Variants in LIN9 observed in about 807,000 individuals in gnomAD.
LIN9 encodes lin-9 DREAM MuvB core complex component, also known as protein lin-9 homolog.
Under a neutral mutation model 78.0 loss-of-function variants are expected in LIN9, and 18 were observed. That is an observed-to-expected ratio of 0.23 (90% CI 0.16 to 0.34). LIN9 has a LOEUF of 0.34. Ranked by LOEUF, LIN9 falls within the 10% of genes least tolerant of loss-of-function variation. The probability of loss-of-function intolerance (pLI) is 1.00; values close to 1 mark genes in which losing one functional copy is unlikely to be tolerated. For missense variants in LIN9, 451 were observed against 644.1 expected, an observed-to-expected ratio of 0.70 and a Z score of 3.25; for synonymous variants, 192 against 215.2, an observed-to-expected ratio of 0.89 and a Z score of 0.94.
At chr1:226,281,393 A>T (rs1380980193) in intron 6 of LIN9, among the ~76,000 whole-genome samples, 4 of 150,518 alleles carry the variant, frequency 2.7e-5, no homozygotes, top group Non-Finnish European at 4.4e-5. Flanking sequence ...AGTATTTGAC[A>T]GTACGGTAGG....
At chr1:226,272,539 C>A (rs1012169199) in intron 7 of LIN9, among the ~76,000 whole-genome samples, 1 of 129,810 alleles carries the variant, frequency 7.7e-6, no homozygotes, top group African/African-American at 2.9e-5. Flanking sequence ...CATGCTTGAC[C>A]TTTTTTTTTT....
In LIN9 at chr1:226,278,199, C is replaced by A. The variant is rs145451619; in HGVS notation, c.525-267G>T. On this transcript the variant is annotated intron_variant, in intron 6 of 14. Coordinates refer to ENST00000681046, the MANE Select transcript of LIN9 (RefSeq NM_001366245.2). ...ATCCCAGCACTTTGGGAGGCTGAGG[C>A]GGACAGATCAATTGAGGTCAGGAGT... Among the ~76,000 whole-genome samples, 829 of 152,190 alleles carry A rather than the reference C, an allele frequency of 5.4e-3. 4 individuals are homozygous for A. The highest frequency in any genetic ancestry group is 9.4e-3 in the Non-Finnish European group (637 of 68,002).
chr1:226,275,032 C>A (rs1197345577), intron 7 of LIN9, among the ~76,000 whole-genome samples: 1 of 152,002 alleles, frequency 6.6e-6, no homozygotes, highest in African/African-American at 2.4e-5. Context: ...CCCACAAGTA[C>A]AGCAATTTTT....
rs1262426812 is a variant in LIN9 at position 226,266,308 on chromosome 1, G to C, written c.841C>G (p.Pro281Ala). The C allele has an allele frequency of 6.2e-7, 1 of 1,602,126 alleles. No homozygotes were observed. The highest frequency in any genetic ancestry group is 8.5e-7 in the Non-Finnish European group (1 of 1,172,516). The change falls in exon 9 of 15, where the codon CCA becomes GCA. Residue 281 changes from proline (P) to alanine (A), a missense_variant. Coordinates refer to ENST00000681046, the MANE Select transcript of LIN9 (RefSeq NM_001366245.2). ...TGTTTTTGTCCAAAGGCAGCAATTGGCATTGTCTCATGAGGTTCATTACTC... is the reference window on the plus strand; with the variant it reads ...TGTTTTTGTCCAAAGGCAGCAATTGCCATTGTCTCATGAGGTTCATTACTC... ...VLSNEPHETM[P>A]IAAFGQKQRP...
At chr1:226,277,703 C>T (rs1660757092) in intron 7 of LIN9, 72 bp downstream of exon 7, 1 of 1,344,762 alleles carries the variant, frequency 7.4e-7, no homozygotes, top group African/African-American at 1.5e-5. Context: ...AAAATAAGAA[C>T]CAAAGAAACA....
At chr1:226,295,073 T>C (rs1032242370) in intron 4 of LIN9, among the ~76,000 whole-genome samples, 1 of 152,158 alleles carries the variant, frequency 6.6e-6, no homozygotes, top group Admixed American at 6.5e-5. Flanking sequence ...AGTGCTGTGA[T>C]TATAGTCATG....
chr1:226,277,681 T>C, intron 7 of LIN9, 94 bp downstream of exon 7: 1 of 1,134,984 alleles, frequency 8.8e-7, no homozygotes, highest in Non-Finnish European at 1.3e-6. Context: ...TCTTGGTAAT[T>C]AAAAATGAAA....
At chr1:226,290,893 A>G (rs892841285) in intron 4 of LIN9, among the ~76,000 whole-genome samples, 1 of 152,178 alleles carries the variant, frequency 6.6e-6, no homozygotes, top group South Asian at 2.1e-4. Flanking sequence ...AGTAGCTGGG[A>G]CTACAGGCAC....
At chr1:226,236,856 T>C (rs538993047) in intron 12 of LIN9, among the ~76,000 whole-genome samples, 30 of 152,318 alleles carry the variant, frequency 2.0e-4, no homozygotes, top group African/African-American at 7.2e-4. Flanking sequence ...AGCATTTCCA[T>C]TGTGTAATTA....
At chr1:226,255,808 A>G (rs1190953993) in intron 10 of LIN9, among the ~76,000 whole-genome samples, 2 of 152,152 alleles carry the variant, frequency 1.3e-5, no homozygotes, top group Admixed American at 1.3e-4. Context: ...CCAAAACTAA[A>G]AAACAAAGAG....
intron 12 of LIN9, among the ~76,000 whole-genome samples, chr1:226,235,215 G>C (rs1657608933): frequency 6.6e-6 from 1 of 151,136 alleles, no homozygotes. Flanking sequence ...ATAGCTACTG[G>C]GGAGGCTGAG....
chr1:226,250,163 C>T (rs1658740737), intron 11 of LIN9, among the ~76,000 whole-genome samples: 1 of 147,048 alleles, frequency 6.8e-6, no homozygotes, highest in South Asian at 2.2e-4. Flanking sequence ...AGCAAAATTC[C>T]ATCTCAGAAA....
chr1:226,241,447 GTCTC>G (rs1422150272), intron 11 of LIN9, among the ~76,000 whole-genome samples: 1 of 152,138 alleles, frequency 6.6e-6, no homozygotes, highest in South Asian at 2.1e-4. Context: ...GGTGTCAAAA[GTCTC>G]TATCTTCATC....
chr1:226,244,688 GATTT>G (rs1341082792), intron 11 of LIN9, among the ~76,000 whole-genome samples: 4 of 152,130 alleles, frequency 2.6e-5, no homozygotes, highest in East Asian at 1.9e-4. Flanking sequence ...CAAGGGTATG[GATTT>G]ATTTGACTAG....
At chr1:226,275,691 CAGAAAAAAAAAA>C (rs1261151075) in intron 7 of LIN9, among the ~76,000 whole-genome samples, 6 of 43,446 alleles carry the variant, frequency 1.4e-4, no homozygotes, top group Non-Finnish European at 2.5e-4. Context: ...GACTCCGTCT[CAGAAAAAAAAAA>C]AAAAAAAAAG....
chr1:226,249,693 C>T (rs1658708539), intron 11 of LIN9, among the ~76,000 whole-genome samples: 1 of 152,176 alleles, frequency 6.6e-6, no homozygotes, highest in Non-Finnish European at 1.5e-5. Context: ...AGTCACAGCA[C>T]TTTGCCCCTT....
At chr1:226,290,635 C>T (rs1400295521) in intron 4 of LIN9, among the ~76,000 whole-genome samples, 3 of 151,776 alleles carry the variant, frequency 2.0e-5, no homozygotes, top group African/African-American at 4.8e-5. Context: ...CCACCGCACC[C>T]GGCCAAGGCT....
In LIN9 at chr1:226,265,450, C is replaced by A; in HGVS notation, c.1038+83G>T. 1.4e-6 allele frequency: 1 copy of A among 722,882 alleles called. No homozygotes were observed. The highest frequency in any genetic ancestry group is 1.8e-5 in the South Asian group (1 of 55,838). The allele number at this position is 722,882 out of a possible 1,614,324, so 44.8% of individuals were successfully genotyped here. A position where few individuals can be genotyped will look rare whatever the true frequency, so the allele number is the denominator to read the frequency against. ...CCTACACGGTGATAAACCTACACGG[C>A]CCTAGAAAAATTTTCAACTTTAATA... On this transcript the variant is annotated intron_variant, in intron 10 of 14. Coordinates refer to ENST00000681046, the MANE Select transcript of LIN9 (RefSeq NM_001366245.2). The surrounding 1 kb of genome is among the most constrained non-coding windows in gnomAD (Gnocchi z 4.1).
At chr1:226,259,917 A>T (rs1356864279) in intron 10 of LIN9, among the ~76,000 whole-genome samples, 1 of 146,646 alleles carries the variant, frequency 6.8e-6, no homozygotes, top group Non-Finnish European at 1.5e-5. Flanking sequence ...TATAAACTAG[A>T]GCAGAAATCA....
Sources: gnomAD v4.1 joint callset for allele counts (sites outside exome capture counted in the v4.1 genomes callset) on GRCh38, gnomAD v4.1.1 for gene constraint, Gnocchi (gnomAD v3.1) non-coding constraint, MANE v1.5 for transcripts, NCBI Gene and HGNC (gene_info 2026-07-23, HGNC 2026-07-21) for gene names.